FAM83B: variants seen among roughly 807,000 people sequenced by gnomAD.
The protein encoded by FAM83B is scaffolding CK1 anchoring protein B, also known as protein FAM83B.
In FAM83B, 26 loss-of-function variants were observed where a neutral mutation model predicts 38.8. The ratio of observed to expected loss-of-function variants is 0.67; its 90% confidence interval spans 0.49 to 0.93. FAM83B has a LOEUF of 0.93. FAM83B is among the 40% of genes least tolerant of loss of function. The probability of loss-of-function intolerance (pLI) is 0.00; values close to 1 mark genes in which losing one functional copy is unlikely to be tolerated. For missense variants in FAM83B, 1,237 were observed against 1,197.3 expected, an observed-to-expected ratio of 1.03 and a Z score of -0.49; for synonymous variants, 419 against 423.1, an observed-to-expected ratio of 0.99 and a Z score of 0.12.
chr6:54,849,425 T>C (rs1027798360), intron 1 of FAM83B, among the ~76,000 whole-genome samples: 30 of 127,070 alleles, frequency 2.4e-4, no homozygotes, highest in African/African-American at 9.4e-4. Context: ...AGGATATACG[T>C]GGAGGTGAGG....
At chr6:54,932,722 A>G (rs970788462) in intron 4 of FAM83B, among the ~76,000 whole-genome samples, 1 of 152,036 alleles carries the variant, frequency 6.6e-6, no homozygotes. Flanking sequence ...TTTGAAGGAC[A>G]GTTTTGCTGG....
At chr6:54,899,165 A>G (rs1182413386) in intron 2 of FAM83B, among the ~76,000 whole-genome samples, 3 of 152,216 alleles carry the variant, frequency 2.0e-5, no homozygotes, top group Non-Finnish European at 4.4e-5. Flanking sequence ...AGTGAGTTTT[A>G]ATTTGTCATG....
At chr6:54,934,881 G>C (rs1166220958) in intron 4 of FAM83B, among the ~76,000 whole-genome samples, 2 of 152,084 alleles carry the variant, frequency 1.3e-5, no homozygotes, top group Admixed American at 1.3e-4. Context: ...TAAAGATTCT[G>C]CTGGGCCCAT....
At chr6:54,888,969 G>C (rs1460849809) in intron 2 of FAM83B, among the ~76,000 whole-genome samples, 1 of 151,682 alleles carries the variant, frequency 6.6e-6, no homozygotes, top group Non-Finnish European at 1.5e-5. Flanking sequence ...TTCTCTCTCT[G>C]TACTTCATTT....
intron 4 of FAM83B, among the ~76,000 whole-genome samples, chr6:54,927,935 C>A (rs572158145): frequency 6.6e-6 from 1 of 152,214 alleles, no homozygotes; most frequent in African/African-American, 2.4e-5. Flanking sequence ...AGTGGTTTTG[C>A]TCCTTATGGA....
At chr6:54,919,491 C>A (rs969743674) in intron 2 of FAM83B, among the ~76,000 whole-genome samples, 29 of 152,068 alleles carry the variant, frequency 1.9e-4, no homozygotes, top group African/African-American at 6.8e-4. Context: ...TTAAAATAAT[C>A]TAGATTTTTC....
intron 2 of FAM83B, among the ~76,000 whole-genome samples, chr6:54,923,334 T>C (rs1196723482): frequency 6.6e-6 from 1 of 152,050 alleles, no homozygotes; most frequent in Non-Finnish European, 1.5e-5. Flanking sequence ...CCTTTCTATA[T>C]CAAACTTAAA....
At chr6:54,847,444 T>A (rs1447895130) in intron 1 of FAM83B, among the ~76,000 whole-genome samples, 3 of 152,094 alleles carry the variant, frequency 2.0e-5, no homozygotes, top group Non-Finnish European at 2.9e-5. Context: ...TTTTTCATAC[T>A]TGGGTCGGCC....
In FAM83B at chr6:54,915,812, C is replaced by CAAAAAAAAAAAA. The variant is rs58597609; in HGVS notation, c.445-10545_445-10534dup. ...TGGGCGACAGAGCGAGACTCCGTCT[C>CAAAAAAAAAAAA]AAAAAAAAAAAAAAAAAAAAAAAAA... On this transcript the variant is annotated intron_variant, in intron 2 of 4. Transcript: ENST00000306858. Among the ~76,000 whole-genome samples, 62 of 18,030 alleles carry CAAAAAAAAAAAA rather than the reference C, an allele frequency of 3.4e-3. 2 individuals carry two copies. The highest frequency in any genetic ancestry group is 6.5e-3 in the Non-Finnish European group (56 of 8,662). 11.8% of individuals were successfully genotyped at this position (18,030 alleles called of 152,430 possible).
chr6:54,912,546 C>T (rs1391489565), intron 2 of FAM83B, among the ~76,000 whole-genome samples: 1 of 151,350 alleles, frequency 6.6e-6, no homozygotes, highest in Non-Finnish European at 1.5e-5. Context: ...AAAATATTTT[C>T]TAAGTTTTAT....
intron 2 of FAM83B, among the ~76,000 whole-genome samples, chr6:54,899,627 G>A (rs558067679): frequency 6.6e-6 from 1 of 152,224 alleles, no homozygotes; most frequent in East Asian, 1.9e-4. Context: ...TAGATGACTA[G>A]CATGTTGCTA....
chr6:54,913,893 CTT>C (rs200872130), intron 2 of FAM83B, among the ~76,000 whole-genome samples: 215 of 142,544 alleles, frequency 1.5e-3, no homozygotes, highest in African/African-American at 4.4e-3. Context: ...ATGTGATTGT[CTT>C]TTTTTTTTAA....
intron 2 of FAM83B, among the ~76,000 whole-genome samples, chr6:54,873,927 T>C (rs528751698): frequency 4.6e-5 from 7 of 152,132 alleles, no homozygotes; most frequent in African/African-American, 1.7e-4. Context: ...ATGAAAATAA[T>C]ATAAAAGTTA....
Position 54,942,540 on chromosome 6 carries a change from G to T in FAM83B, c.*533G>T, listed in dbSNP as rs1773728410. Among the ~76,000 whole-genome samples, 2 of 152,072 alleles carry T rather than the reference G, an allele frequency of 1.3e-5. No individual in the cohort carries two copies. Among genetic ancestry groups the T allele is most frequent in the African/African-American group, 4.8e-5 (2 of 41,466 alleles). ...TTGTACAGCTGTTTGGGCAACAGCA[G>T]TACCTTTTACATTTTTTATTTTTTA... On this transcript the variant is annotated 3_prime_UTR_variant, in exon 5 of 5. Transcript: ENST00000306858.
intron 2 of FAM83B, among the ~76,000 whole-genome samples, chr6:54,879,704 A>T (rs1039016787): frequency 6.6e-6 from 1 of 152,098 alleles, no homozygotes; most frequent in African/African-American, 2.4e-5. Context: ...TGTGGAAGAG[A>T]ATAGTGGGAA....
At chr6:54,846,375 C>T (rs1299301759), upstream of FAM83B, among the ~76,000 whole-genome samples, 2 of 152,162 alleles carry the variant, frequency 1.3e-5, no homozygotes, top group African/African-American at 4.8e-5. Flanking sequence ...GACCACGGCC[C>T]CGCTCGGCCT....
intron 2 of FAM83B, among the ~76,000 whole-genome samples, chr6:54,910,349 A>G (rs1354471424): frequency 6.6e-6 from 1 of 152,172 alleles, no homozygotes; most frequent in African/African-American, 2.4e-5. Context: ...GTTTCTAAAT[A>G]TCTCTGAAAT....
At chr6:54,924,269 T>C (rs1305116275) in intron 2 of FAM83B, among the ~76,000 whole-genome samples, 5 of 151,804 alleles carry the variant, frequency 3.3e-5, no homozygotes, top group Non-Finnish European at 7.4e-5. Flanking sequence ...AGATTGAGTC[T>C]CTATCTTAAC....
At chr6:54,933,927 C>A (rs1369661947) in intron 4 of FAM83B, among the ~76,000 whole-genome samples, 1 of 152,104 alleles carries the variant, frequency 6.6e-6, no homozygotes, top group East Asian at 1.9e-4. Flanking sequence ...GGAAAAGTTT[C>A]TCTCTGTTTG....
Sources: allele counts gnomAD v4.1 joint callset (sites outside exome capture counted in the v4.1 genomes callset), GRCh38; gene constraint gnomAD v4.1.1; transcripts MANE v1.5; gene names NCBI Gene and HGNC (gene_info 2026-07-23, HGNC 2026-07-21).